Variants in FAM8A1 observed in about 807,000 individuals in gnomAD.
FAM8A1 encodes the protein family with sequence similarity 8 member A1, also known as protein FAM8A1.
Under a neutral mutation model 38.3 loss-of-function variants are expected in FAM8A1, and 18 were observed. The ratio of observed to expected loss-of-function variants is 0.47; its 90% CI spans 0.33 to 0.70. FAM8A1 has a LOEUF of 0.70. Ranked by LOEUF, FAM8A1 falls within the 30% of genes least tolerant of loss-of-function variation. The pLI is 0.03. For missense variants in FAM8A1, 559 were observed against 559.6 expected (o/e 1.00, Z 0.01); for synonymous variants, 246 against 234.4 (o/e 1.05, Z -0.45).
At position 17,600,504 on chromosome 6, in the gene FAM8A1, C is replaced by A; in HGVS notation, c.95C>A (p.Pro32His). 3 of 1,535,094 alleles carry A rather than the reference C, an allele frequency of 2.0e-6. No homozygotes were observed. The highest frequency in any genetic ancestry group is 2.6e-6 in the Non-Finnish European group (3 of 1,145,442). Reference protein sequence around the residue: ...HEPVPSLRGPPTTAVPCPRDD... With the variant: ...HEPVPSLRGPHTTAVPCPRDD... ...CCCGTCCCTTCCCTGAGAGGCCCTC[C>A]TACCACCGCCGTCCCATGCCCCCGC... is the stretch of plus-strand genomic sequence containing the variant. Residue 32 changes from proline to histidine, a missense_variant, in exon 1 of 5, where the codon CCT (proline) becomes CAT (histidine). This residue lies in a region of FAM8A1 where 393 missense variants were observed against 338.9 expected (regional missense o/e 1.16). Transcript: ENST00000259963.
At chr6:17,601,866 G>A (rs1361511497) in intron 1 of FAM8A1, among the ~76,000 whole-genome samples, 2 of 151,984 alleles carry the variant, frequency 1.3e-5, no homozygotes, top group African/African-American at 4.8e-5. Context: ...GGGGATTACA[G>A]GGATTTACTT....
rs899109553 is a variant in FAM8A1, at chr6:17,600,353, T to C, written c.-57T>C. 1.4e-5 allele frequency: 19 copies of C among 1,332,526 alleles called. No individual in the cohort carries two copies. Among genetic ancestry groups the C allele is most frequent in the Middle Eastern group, 2.8e-4 (1 of 3,542 alleles). The allele number at this position is 1,332,526 out of a possible 1,614,324, so 82.5% of individuals were successfully genotyped here. ...TGACGGGGCTGTTGGGGAGGGGCCATTGGGGGAGGGAAACGGAGCAGTGAC... is the reference window on the plus strand; with the variant it reads ...TGACGGGGCTGTTGGGGAGGGGCCACTGGGGGAGGGAAACGGAGCAGTGAC... On this transcript the variant is annotated 5_prime_UTR_variant, in exon 1 of 5. Coordinates refer to ENST00000259963, the MANE Select transcript of FAM8A1 (RefSeq NM_016255.3).
intron 3 of FAM8A1, among the ~76,000 whole-genome samples, 179 bp from the exon 4 acceptor site, chr6:17,605,695 G>T (rs1561841691): frequency 6.6e-6 from 1 of 152,168 alleles, no homozygotes. Flanking sequence ...ACATCTTGTG[G>T]TATTGGACAT....
Position 17,600,497 on chromosome 6 carries a change from G to C in FAM8A1, c.88G>C (p.Gly30Arg). Residue 30 changes from glycine (G) to arginine (R), a missense_variant, in exon 1 of 5, where the codon GGC becomes CGC. By Grantham distance (125) the Gly-to-Arg change is moderately radical. This residue lies in a region of FAM8A1 where 393 missense variants were observed against 338.9 expected (regional missense o/e 1.16). Transcript: ENST00000259963. ...CCACGAGCCCGTCCCTTCCCTGAGA[G>C]GCCCTCCTACCACCGCCGTCCCATG... ...GDHEPVPSLR[G>R]PPTTAVPCPR... The C allele has an allele frequency of 6.5e-7, 1 of 1,533,930 alleles. No homozygotes were observed. Among genetic ancestry groups the C allele is most frequent in the Non-Finnish European group, 8.7e-7 (1 of 1,144,966 alleles).
rs1763962797 is a variant in FAM8A1, at chr6:17,600,413, G to C, written c.4G>C (p.Ala2Pro). 4.2e-6 allele frequency: 6 copies of C among 1,419,152 alleles called. No homozygotes were observed. Among genetic ancestry groups the C allele is most frequent in the African/African-American group, 3.0e-5 (2 of 66,332 alleles). 87.9% of individuals were successfully genotyped at this position (1,419,152 alleles called of 1,614,324 possible). The change falls in exon 1 of 5, where the codon GCC becomes CCC. Residue 2 changes from alanine (A) to proline (P), a missense_variant. Physicochemically the swap from Ala to Pro is conservative, Grantham distance 27. This residue lies in a region of FAM8A1 where 393 missense variants were observed against 338.9 expected (regional missense o/e 1.16). Transcript: ENST00000259963. ...AGAGGGTGCTGCTGAGGCGACGATG[G>C]CCGAGGGGCCCGAGGAAGCCCGAGG... M[A>P]EGPEEARGHP...
At chr6:17,607,962 G>A (rs1764079933) in intron 4 of FAM8A1, among the ~76,000 whole-genome samples, 1 of 152,162 alleles carries the variant, frequency 6.6e-6, no homozygotes, top group South Asian at 2.1e-4. Flanking sequence ...TTTTTATGTT[G>A]TTGAAGTCTT....
intron 1 of FAM8A1, among the ~76,000 whole-genome samples, chr6:17,602,007 T>G (rs1763991609): frequency 6.6e-6 from 1 of 152,176 alleles, no homozygotes; most frequent in Non-Finnish European, 1.5e-5. Flanking sequence ...TAATCAAATT[T>G]ATCTGTGAAA....
intron 1 of FAM8A1, among the ~76,000 whole-genome samples, chr6:17,601,578 GA>G (rs1260032473): frequency 1.3e-5 from 2 of 152,226 alleles, no homozygotes; most frequent in East Asian, 3.8e-4. Context: ...GTGGAGTTAG[GA>G]AGTTTTGATT....
At chr6:17,601,253 T>G in intron 1 of FAM8A1, 132 bp downstream of exon 1, 1 of 1,231,094 alleles carries the variant, frequency 8.1e-7, no homozygotes. Flanking sequence ...TTCAGTTCAC[T>G]AGCTATCGTT....
chr6:17,605,423 C>A (rs912893503), intron 3 of FAM8A1, among the ~76,000 whole-genome samples: 4 of 152,118 alleles, frequency 2.6e-5, no homozygotes, highest in African/African-American at 7.2e-5. Context: ...AAAAAGTAAT[C>A]GAAATTTATA....
intron 2 of FAM8A1, among the ~76,000 whole-genome samples, chr6:17,604,306 C>T (rs1201685170): frequency 2.0e-5 from 3 of 152,174 alleles, no homozygotes; most frequent in African/African-American, 7.2e-5. Context: ...GTAGGTGGGA[C>T]TGCAGGTGCA....
At chr6:17,601,456 G>A (rs1763984957) in intron 1 of FAM8A1, among the ~76,000 whole-genome samples, 1 of 152,182 alleles carries the variant, frequency 6.6e-6, no homozygotes, top group Non-Finnish European at 1.5e-5. Flanking sequence ...ATTCGCAAAT[G>A]GCAAACCCAC....
In FAM8A1 at chr6:17,610,818, A is replaced by G. The variant is rs1764131344; in HGVS notation, c.*2479A>G. 6.6e-6 allele frequency: 1 copy of G among 152,192 alleles called. No individual in the cohort carries two copies. Among genetic ancestry groups the G allele is most frequent in the Non-Finnish European group, 1.5e-5 (1 of 68,004 alleles). The allele number at this position is 152,192 out of a possible 1,614,324, so 9.4% of individuals were successfully genotyped here. ...GAGTGAGAATACTGTTTCAATGAGC[A>G]TGTCCCTAAGATAAACCAGAATTGG... is the stretch of plus-strand genomic sequence containing the variant. On this transcript the variant is annotated 3_prime_UTR_variant, in exon 5 of 5. Transcript: ENST00000259963.
chr6:17,602,487 G>T, intron 1 of FAM8A1, 103 bp from the exon 2 acceptor site: 1 of 1,151,128 alleles, frequency 8.7e-7, no homozygotes, highest in Non-Finnish European at 1.2e-6. Flanking sequence ...TTTTTATTAA[G>T]TTGTACCTTG....
Position 17,609,025 on chromosome 6 carries a change from T to C in FAM8A1, c.*686T>C, listed in dbSNP as rs1764098194. 1 of 152,186 alleles carries C rather than the reference T, an allele frequency of 6.6e-6. No homozygotes were observed. The highest frequency in any genetic ancestry group is 1.5e-5 in the Non-Finnish European group (1 of 68,022). 9.4% of individuals were successfully genotyped at this position (152,186 alleles called of 1,614,324 possible). ...ATGATGATGAAAAAGTATCAAGTCA[T>C]ATTGCTATGTTAATTGGTTTTTTTT... is the stretch of plus-strand genomic sequence containing the variant. On this transcript the variant is annotated 3_prime_UTR_variant, in exon 5 of 5. Transcript: ENST00000259963.
Position 17,610,969 on chromosome 6 carries a change from T to TA in FAM8A1, c.*2632dup, listed in dbSNP as rs2113749739. 6.6e-6 allele frequency: 1 copy of TA among 152,274 alleles called. No individual in the cohort carries two copies. The highest frequency in any genetic ancestry group is 2.1e-4 in the South Asian group (1 of 4,826). The allele number at this position is 152,274 out of a possible 1,614,324, so 9.4% of individuals were successfully genotyped here. A position where few individuals can be genotyped will look rare whatever the true frequency, so the allele number is the denominator to read the frequency against. On this transcript the variant is annotated 3_prime_UTR_variant, in exon 5 of 5. Transcript: ENST00000259963. Reference sequence around the variant, plus strand: ...ATTAACTTGGGAGCCAAGAGCTGGGTAAGCCTTACCTTTAGACTACTCTGT... The same window carrying TA: ...ATTAACTTGGGAGCCAAGAGCTGGGTAAAGCCTTACCTTTAGACTACTCTGT...
intron 3 of FAM8A1, among the ~76,000 whole-genome samples, 157 bp from the exon 4 acceptor site, chr6:17,605,717 A>G (rs928902951): frequency 6.6e-6 from 1 of 152,278 alleles, no homozygotes; most frequent in Non-Finnish European, 1.5e-5. Context: ...TTAGAGACCT[A>G]CAGAAATGCA....
chr6:17,605,161 A>G (rs914349250), intron 3 of FAM8A1, 132 bp downstream of exon 3: 4 of 668,142 alleles, frequency 6.0e-6, no homozygotes, highest in East Asian at 5.0e-5. Context: ...GCTCACTGCA[A>G]CCTCTGCCTC....
At chr6:17,604,800 G>C (rs1764029731) in intron 2 of FAM8A1, 106 bp from the exon 3 acceptor site, 1 of 861,906 alleles carries the variant, frequency 1.2e-6, no homozygotes, top group Admixed American at 2.8e-5. Flanking sequence ...CTAAAGATTA[G>C]TTTAGAATTT....
Sources: gnomAD v4.1 joint callset for allele counts (sites outside exome capture counted in the v4.1 genomes callset) on GRCh38, gnomAD v4.1.1 for gene constraint, gnomAD v4.1.1 regional missense constraint, MANE v1.5 for transcripts, NCBI Gene and HGNC (gene_info 2026-07-23, HGNC 2026-07-21) for gene names.